The following CENPT variants were observed in gnomAD, a reference collection of about 807,000 sequenced individuals.
CENPT encodes the protein centromere protein T, also known as interphase centromere complex protein 22.
CENPT carries 42 observed loss-of-function variants against 59.7 expected under a neutral mutation model. That is an observed-to-expected ratio of 0.70 (90% CI 0.55 to 0.91). CENPT has a LOEUF of 0.91. Ranked by LOEUF, CENPT falls within the 40% of genes least tolerant of loss-of-function variation. The pLI, the probability that CENPT is intolerant of heterozygous loss-of-function variation, is 0.00. For missense variants in CENPT, 716 were observed against 713.4 expected, an observed-to-expected ratio of 1.00 and a Z score of -0.04; for synonymous variants, 295 against 289.6, an observed-to-expected ratio of 1.02 and a Z score of -0.19.
rs2057730743 is a variant in CENPT, at chr16:67,835,651, G to T, written c.-484C>A. 1 of 151,856 alleles carries T rather than the reference G, an allele frequency of 6.6e-6. No individual in the cohort carries two copies. Among genetic ancestry groups the T allele is most frequent in the Non-Finnish European group, 1.5e-5 (1 of 67,986 alleles). 9.4% of individuals were successfully genotyped at this position (151,856 alleles called of 1,614,324 possible). On this transcript the variant is annotated 5_prime_UTR_variant, in exon 2 of 16. Coordinates refer to ENST00000562787, the MANE Select transcript of CENPT (RefSeq NM_025082.4). ...TACTCCAGCTTGGGCGACTAAGCAA[G>T]ACTCCATCTCGGAAAAAAAAAATTA...
chr16:67,829,271 G>A (rs1379534921), intron 13 of CENPT, 152 bp downstream of exon 13: 1 of 592,702 alleles, frequency 1.7e-6, no homozygotes, highest in East Asian at 3.2e-5. Context: ...GATGGCAGGG[G>A]TGCTCTTGGT....
chr16:67,843,199 C>G lies in CENPT; in HGVS notation c.-492+4202G>C, dbSNP rs1353858819. The G allele has an allele frequency of 4.3e-6, 7 of 1,611,522 alleles. No individual in the cohort carries two copies. Among genetic ancestry groups the G allele is most frequent in the Non-Finnish European group, 5.9e-6 (7 of 1,179,726 alleles). On this transcript the variant is annotated intron_variant, in intron 1 of 15. Transcript: ENST00000562787. This position sits in a 1 kb window ranked among gnomAD's most constrained non-coding sequence, Gnocchi z 5.7. The stretch of plus-strand genomic sequence containing the variant: ...CCGCGTCGGAGTTACAGGCTGCTAC[C>G]GCAGGGCTGGAGGCTGCCGAGTGCC...
At position 67,833,805 on chromosome 16, in the gene CENPT, C is replaced by T; in HGVS notation, c.55G>A (p.Val19Met). 1 of 1,577,586 alleles carries T rather than the reference C, an allele frequency of 6.3e-7. No individual in the cohort carries two copies. Among genetic ancestry groups the T allele is most frequent in the Non-Finnish European group, 8.6e-7 (1 of 1,164,100 alleles). ...DSTPRTLLRR[V>M]LDTADPRTPR... ...GTGCGCGGGTCCGCTGTATCCAGCACGCGTCGCAGCAGCGTGCGCGGCGTG... is the reference window on the plus strand; with the variant it reads ...GTGCGCGGGTCCGCTGTATCCAGCATGCGTCGCAGCAGCGTGCGCGGCGTG... Residue 19 changes from valine to methionine, a missense_variant, in exon 4 of 16, where the codon GTG (valine) becomes ATG (methionine). Val to Met is a conservative substitution (Grantham distance 21). Transcript: ENST00000562787.
rs59679719 is a variant in CENPT, at chr16:67,830,686, G to A, written c.704-138C>T. Reference sequence around the variant, plus strand: ...ACAGTGGGCTGCATGGGTCCACCCTGAGTGGCCTTCAGAGAAAGAAGACGA... The same window carrying A: ...ACAGTGGGCTGCATGGGTCCACCCTAAGTGGCCTTCAGAGAAAGAAGACGA... On this transcript the variant is annotated intron_variant, in intron 10 of 15. Transcript: ENST00000562787. 13,860 of 815,376 alleles carry A rather than the reference G, an allele frequency of 0.017. 975 individuals are homozygous for A. The African/African-American group carries it at 0.18, about 10-fold the overall frequency. The allele number at this position is 815,376 out of a possible 1,614,324, so 50.5% of individuals were successfully genotyped here.
In CENPT at chr16:67,829,801, C is replaced by A; in HGVS notation, c.1150G>T (p.Ala384Ser). 6.2e-7 allele frequency: 1 copy of A among 1,614,242 alleles called. No individual in the cohort carries two copies. Among genetic ancestry groups the A allele is most frequent in the South Asian group, 1.1e-5 (1 of 91,088 alleles). ...QGTAEADGPG[A>S]SSGDEDASGR... is the part of the protein sequence containing the mutation. ...GAGGCATCCTCATCCCCTGAAGATG[C>A]TCCTGGCCCGTCAGCCTCAGCAGTC... The change falls in exon 12 of 16, where the codon GCA becomes TCA. Residue 384 changes from alanine to serine, a missense_variant. Physicochemically the swap from Ala to Ser is moderately conservative, Grantham distance 99. Transcript: ENST00000562787.
At chr16:67,846,227 G>GA (rs959599167) in intron 1 of CENPT, among the ~76,000 whole-genome samples, 6 of 152,250 alleles carry the variant, frequency 3.9e-5, no homozygotes, top group Non-Finnish European at 7.3e-5. Context: ...TAATAAAAAT[G>GA]AAACACTTAG....
chr16:67,837,532 C>A (rs892239009), intron 1 of CENPT, among the ~76,000 whole-genome samples: 7 of 152,100 alleles, frequency 4.6e-5, no homozygotes, highest in African/African-American at 1.4e-4. Context: ...GATGGTGAAA[C>A]CCTGTCTCTA....
At chr16:67,844,299 T>C (rs2057783276) in intron 1 of CENPT, 1 of 155,160 alleles carries the variant, frequency 6.4e-6, no homozygotes, top group Non-Finnish European at 1.5e-5. Flanking sequence ...ACCCTGAAAG[T>C]AGAGATGCTT....
chr16:67,830,618 A>C, intron 10 of CENPT, 70 bp from the exon 11 acceptor site: 1 of 1,523,894 alleles, frequency 6.6e-7, no homozygotes, highest in Non-Finnish European at 9.0e-7. Context: ...CTCTCAGCGT[A>C]TTCCAGGCCC....
rs2057686752 is a variant in CENPT, at chr16:67,831,344, G to A, written c.575C>T (p.Thr192Ile). 1 of 1,613,976 alleles carries A rather than the reference G, an allele frequency of 6.2e-7. No individual in the cohort carries two copies. The highest frequency in any genetic ancestry group is 1.1e-5 in the South Asian group (1 of 91,076). Residue 192 changes from threonine (T) to isoleucine (I), a missense_variant, in exon 10 of 16, where the codon ACC becomes ATC. Transcript: ENST00000562787. ...CTGTGGCTGAAGAGGTGTGGCAAAG[G>A]TCAGGTTGAGGGATCTGGTGAGGTG... ...ASSLTRSLNL[T>I]FATPLQPQSV... is the part of the protein sequence containing the mutation.
chr16:67,831,003 C>T (rs1240813128), intron 10 of CENPT: 1 of 657,240 alleles, frequency 1.5e-6, no homozygotes. Context: ...GCCCTATAGT[C>T]TAAGGATATG....
intron 13 of CENPT, 155 bp from the exon 14 acceptor site, chr16:67,828,998 C>G (rs2057646726): frequency 6.1e-6 from 4 of 660,970 alleles, no homozygotes; most frequent in Non-Finnish European, 7.4e-6. Flanking sequence ...GCAGTTGGGT[C>G]AGGGGGCCAC....
intron 10 of CENPT, chr16:67,830,831 C>T (rs1012541239): frequency 2.9e-5 from 15 of 524,680 alleles, no homozygotes; most frequent in Admixed American, 7.0e-5. Context: ...AATACCTCTT[C>T]GCTGCTTGTT....
chr16:67,839,426 C>T (rs988273577), intron 1 of CENPT, among the ~76,000 whole-genome samples: 1 of 149,306 alleles, frequency 6.7e-6, no homozygotes, highest in Non-Finnish European at 1.5e-5. Context: ...TGGGTGTGGT[C>T]GTGCACACCT....
intron 1 of CENPT, chr16:67,847,172 G>A (rs1476038869): frequency 6.6e-6 from 1 of 151,944 alleles, no homozygotes; most frequent in African/African-American, 2.4e-5. Flanking sequence ...CCTGTGAGGC[G>A]GCGGCCGGGG....
chr16:67,835,434 C>A (rs899303960), intron 2 of CENPT, 104 bp downstream of exon 2: 1 of 151,928 alleles, frequency 6.6e-6, no homozygotes, highest in African/African-American at 2.4e-5. Context: ...GAGGCTGAGG[C>A]GGGCGGATCA....
rs773260273 is a variant in CENPT, at chr16:67,831,865, C to T, written c.412G>A (p.Glu138Lys). Reference protein sequence around the residue: ...GSLELQLPELEPPTTLAPGLL... With the variant: ...GSLELQLPELKPPTTLAPGLL... The stretch of plus-strand genomic sequence containing the variant: ...CCTGGAGCCAGGGTTGTGGGGGGCT[C>T]GAGCTCAGGAAGTTGCAGCTCCAGG... Residue 138 changes from glutamate to lysine, a missense_variant, in exon 8 of 16, where the codon GAG becomes AAG. Physicochemically the swap from Glu to Lys is moderately conservative, Grantham distance 56. Coordinates refer to ENST00000562787, the MANE Select transcript of CENPT (RefSeq NM_025082.4). 6.8e-6 allele frequency: 11 copies of T among 1,611,522 alleles called. No homozygotes were observed. Among genetic ancestry groups the T allele is most frequent in the South Asian group, 1.1e-5 (1 of 90,734 alleles).
Position 67,843,468 on chromosome 16 carries a change from T to G in CENPT, c.-492+3933A>C. The G allele has an allele frequency of 6.2e-7, 1 of 1,612,982 alleles. No individual in the cohort carries two copies. The highest frequency in any genetic ancestry group is 1.1e-5 in the South Asian group (1 of 91,016). ...CGTGAGAAGGATCGGCTGCTTGCCA[T>G]GGCTGTCATCCGCAAGAAGCACGGA... On this transcript the variant is annotated intron_variant, in intron 1 of 15. Transcript: ENST00000562787. This position sits in a 1 kb window ranked among gnomAD's most constrained non-coding sequence, Gnocchi z 5.7.
chr16:67,842,568 C>T lies in CENPT; in HGVS notation c.-492+4833G>A, dbSNP rs2057769539. 2.0e-6 allele frequency: 3 copies of T among 1,534,330 alleles called. No individual in the cohort carries two copies. The highest frequency in any genetic ancestry group is 1.4e-5 in the African/African-American group (1 of 72,752). On this transcript the variant is annotated intron_variant, in intron 1 of 15. Coordinates refer to ENST00000562787, the MANE Select transcript of CENPT (RefSeq NM_025082.4). The surrounding 1 kb of genome is among the most constrained non-coding windows in gnomAD (Gnocchi z 4.9). ...CGCGGCGCAGCCATGCCTGGCTTTA[C>T]GTGCTGCGTGCCAGGCTGCTACAAC...
Sources: allele counts gnomAD v4.1 joint callset (sites outside exome capture counted in the v4.1 genomes callset), GRCh38; gene constraint gnomAD v4.1.1; non-coding constraint Gnocchi (gnomAD v3.1); transcripts MANE v1.5; gene names NCBI Gene and HGNC (gene_info 2026-07-23, HGNC 2026-07-21).